GALNTL6: variants seen among roughly 807,000 people sequenced by gnomAD.
GALNTL6 encodes polypeptide N-acetylgalactosaminyltransferase like 6.
In GALNTL6, 46 loss-of-function variants were observed where a neutral mutation model predicts 73.7. The observed-to-expected ratio is 0.62, with a 90% confidence interval of 0.49 to 0.80. GALNTL6 has a LOEUF of 0.80. Ranked by LOEUF, GALNTL6 falls within the 30% of genes least tolerant of loss-of-function variation. The pLI, the probability that GALNTL6 is intolerant of heterozygous loss-of-function variation, is 0.00. For synonymous variants in GALNTL6, 259 were observed against 263.7 expected (o/e 0.98, Z 0.17); for missense variants, 604 against 755.0 (o/e 0.80, Z 2.34).
chr4:172,795,214 G>T (rs1740198677), intron 5 of GALNTL6, among the ~76,000 whole-genome samples: 2 of 152,202 alleles, frequency 1.3e-5, no homozygotes, highest in South Asian at 4.1e-4. Context: ...AAATGAGGAT[G>T]CAGGGAAGAG....
intron 10 of GALNTL6, 129 bp downstream of exon 10, chr4:172,952,387 CA>C (rs1749497192): frequency 1.6e-6 from 1 of 632,714 alleles, no homozygotes; most frequent in African/African-American, 1.8e-5. Context: ...TCATTTAAAT[CA>C]TCTCAAATAC....
At chr4:172,337,251 G>T (rs963657555) in intron 4 of GALNTL6, among the ~76,000 whole-genome samples, 2 of 151,958 alleles carry the variant, frequency 1.3e-5, no homozygotes, top group Non-Finnish European at 2.9e-5. Context: ...TTTTAAGTAG[G>T]ACCATGTACC....
chr4:172,563,172 T>A (rs1736437529), intron 5 of GALNTL6, among the ~76,000 whole-genome samples: 1 of 152,190 alleles, frequency 6.6e-6, no homozygotes, highest in Non-Finnish European at 1.5e-5. Context: ...ATAGTTTAAT[T>A]GCTAGACCTG....
At chr4:172,700,773 G>A (rs1425654287) in intron 5 of GALNTL6, among the ~76,000 whole-genome samples, 3 of 152,084 alleles carry the variant, frequency 2.0e-5, no homozygotes, top group Non-Finnish European at 2.9e-5. Context: ...GCGTTGCAAA[G>A]GCATACAAAA....
intron 2 of GALNTL6, among the ~76,000 whole-genome samples, chr4:172,065,860 T>C (rs576562696): frequency 1.3e-5 from 2 of 152,172 alleles, no homozygotes; most frequent in Admixed American, 6.5e-5. Flanking sequence ...AAGCCCCTTA[T>C]ACAAGCATCA....
chr4:172,291,399 T>C (rs147634680), intron 3 of GALNTL6, among the ~76,000 whole-genome samples: 1 of 152,194 alleles, frequency 6.6e-6, no homozygotes, highest in East Asian at 1.9e-4. Context: ...TACACATGGA[T>C]TCCTGCTCCA....
At chr4:172,361,854 AC>A (rs1388262400) in intron 5 of GALNTL6, among the ~76,000 whole-genome samples, 1 of 152,122 alleles carries the variant, frequency 6.6e-6, no homozygotes, top group Non-Finnish European at 1.5e-5. Context: ...CTTTCCCTTT[AC>A]TAGCTGTGTG....
chr4:172,060,584 A>C (rs747746648), intron 2 of GALNTL6, among the ~76,000 whole-genome samples: 1 of 147,678 alleles, frequency 6.8e-6, no homozygotes, highest in South Asian at 2.1e-4. Flanking sequence ...AAATATTTTG[A>C]AAAAAAAACA....
intron 5 of GALNTL6, among the ~76,000 whole-genome samples, chr4:172,807,760 G>A (rs1430918945): frequency 6.6e-6 from 1 of 152,152 alleles, no homozygotes; most frequent in Non-Finnish European, 1.5e-5. Context: ...ACAAAATAGA[G>A]GGGAACATAT....
intron 5 of GALNTL6, among the ~76,000 whole-genome samples, chr4:172,658,559 G>C (rs186859765): frequency 6.6e-6 from 1 of 152,076 alleles, no homozygotes; most frequent in Admixed American, 6.5e-5. Context: ...GGGCACAAAA[G>C]GGGGAAACGG....
chr4:171,964,076 G>T (rs1030327892), intron 2 of GALNTL6, among the ~76,000 whole-genome samples: 1 of 152,098 alleles, frequency 6.6e-6, no homozygotes, highest in African/African-American at 2.4e-5. Context: ...TGCATGTTCT[G>T]GTGTCACTTG....
At chr4:172,282,941 A>G (rs1013328042) in intron 3 of GALNTL6, among the ~76,000 whole-genome samples, 1 of 152,182 alleles carries the variant, frequency 6.6e-6, no homozygotes, top group African/African-American at 2.4e-5. Flanking sequence ...ACAAGGAAGA[A>G]ATTAAGTGAA....
chr4:172,271,248 G>C (rs1030248652), intron 3 of GALNTL6, among the ~76,000 whole-genome samples: 2 of 151,988 alleles, frequency 1.3e-5, no homozygotes, highest in Non-Finnish European at 2.9e-5. Context: ...GATGCTTAAG[G>C]GATTAGAAAT....
chr4:171,988,283 G>A (rs1053469980), intron 2 of GALNTL6, among the ~76,000 whole-genome samples: 8 of 152,126 alleles, frequency 5.3e-5, no homozygotes, highest in Admixed American at 1.3e-4. Context: ...GAGATTAATC[G>A]GCCACAATCA....
At chr4:172,003,064 C>T (rs1740725521) in intron 2 of GALNTL6, among the ~76,000 whole-genome samples, 1 of 152,048 alleles carries the variant, frequency 6.6e-6, no homozygotes, top group South Asian at 2.1e-4. Context: ...CTTCTTCTCT[C>T]CTATATTGTC....
chr4:171,869,252 G>A (rs915551638), intron 2 of GALNTL6, among the ~76,000 whole-genome samples: 1 of 152,138 alleles, frequency 6.6e-6, no homozygotes, highest in Non-Finnish European at 1.5e-5. Context: ...AAGAGAAAAG[G>A]AAGGAAAGAA....
chr4:172,556,191 C>T (rs1736134847), intron 5 of GALNTL6, among the ~76,000 whole-genome samples: 1 of 151,870 alleles, frequency 6.6e-6, no homozygotes, highest in African/African-American at 2.4e-5. Context: ...TTAGCGTTTC[C>T]TAGTAGACCT....
intron 5 of GALNTL6, among the ~76,000 whole-genome samples, chr4:172,807,404 A>G (rs1741027807): frequency 6.6e-6 from 1 of 152,216 alleles, no homozygotes; most frequent in Non-Finnish European, 1.5e-5. Flanking sequence ...TCAGCATTCA[A>G]AGGCATTTCT....
intron 2 of GALNTL6, among the ~76,000 whole-genome samples, chr4:172,073,480 A>C (rs35602804): frequency 0.098 from 14,922 of 152,206 alleles, 920 homozygotes; most frequent in Admixed American, 0.19. Flanking sequence ...GGAATATGGA[A>C]GAGTAGGGTG....
Sources: allele counts gnomAD v4.1 joint callset (sites outside exome capture counted in the v4.1 genomes callset), GRCh38; gene constraint gnomAD v4.1.1; transcripts MANE v1.5; gene names NCBI Gene and HGNC (gene_info 2026-07-23, HGNC 2026-07-21).